The following OCA2 variants were observed in gnomAD, a reference collection of about 807,000 sequenced individuals.
The protein encoded by OCA2 is P protein.
In OCA2, 77 loss-of-function variants were observed where a neutral mutation model predicts 100.2. That is an observed-to-expected ratio of 0.77 (90% CI 0.64 to 0.93). OCA2 has a LOEUF of 0.93. Among genes scored for constraint, OCA2 ranks in the 40% least tolerant of loss-of-function variants. The pLI, the probability that OCA2 is intolerant of heterozygous loss-of-function variation, is 0.00. For missense variants in OCA2, 1,062 were observed against 1,089.1 expected (o/e 0.98, Z 0.35); for synonymous variants, 432 against 439.2 (o/e 0.98, Z 0.21).
At chr15:27,969,668 C>T (rs2040702575) in intron 14 of OCA2, among the ~76,000 whole-genome samples, 1 of 151,980 alleles carries the variant, frequency 6.6e-6, no homozygotes. Context: ...GATTAAATGG[C>T]CAAATATTAG....
intron 21 of OCA2, among the ~76,000 whole-genome samples, chr15:27,858,352 GA>G (rs2036013982): frequency 7.2e-6 from 1 of 139,102 alleles, no homozygotes; most frequent in Admixed American, 7.5e-5. Context: ...CCAGCCTGGG[GA>G]ATAGAGTGAA....
chr15:27,813,700 T>C (rs2034168977), intron 23 of OCA2, among the ~76,000 whole-genome samples: 1 of 152,162 alleles, frequency 6.6e-6, no homozygotes, highest in Admixed American at 6.5e-5. Context: ...AAATTCATGA[T>C]TTAGATGAAA....
intron 18 of OCA2, among the ~76,000 whole-genome samples, chr15:27,935,304 C>T (rs2039413339): frequency 6.6e-6 from 1 of 152,216 alleles, no homozygotes; most frequent in Admixed American, 6.5e-5. Flanking sequence ...GCATTAATCT[C>T]TCACCAAGAG....
At position 27,871,214 on chromosome 15, in the gene OCA2, C is replaced by T; in HGVS notation, c.2184G>A (p.Val728=). The part of the protein sequence containing the change: ...EQRLIAAIVL[V]VWVSALASSL... Reference sequence around the variant, plus strand: ...ACGACGCCAGGGCTGAGACCCACACCACCAGGACAATGGCGGCTATGAGGC... The same window carrying T: ...ACGACGCCAGGGCTGAGACCCACACTACCAGGACAATGGCGGCTATGAGGC... Residue 728 remains valine (V), a synonymous_variant, in exon 21 of 24, where the codon GTG becomes GTA. Transcript: ENST00000354638. 1 of 1,614,202 alleles carries T rather than the reference C, an allele frequency of 6.2e-7. No homozygotes were observed. Among genetic ancestry groups the T allele is most frequent in the Non-Finnish European group, 8.5e-7 (1 of 1,180,026 alleles).
intron 9 of OCA2, among the ~76,000 whole-genome samples, chr15:28,003,867 G>T (rs1318661022): frequency 1.3e-5 from 2 of 152,212 alleles, no homozygotes; most frequent in African/African-American, 4.8e-5. Context: ...CGCGCCGCCT[G>T]CTCCCTCCAC....
intron 2 of OCA2, among the ~76,000 whole-genome samples, chr15:28,046,786 A>G (rs994783085): frequency 6.6e-6 from 1 of 152,214 alleles, no homozygotes; most frequent in Non-Finnish European, 1.5e-5. Flanking sequence ...ATTGTGATGG[A>G]AATTTGGGGT....
intron 19 of OCA2, among the ~76,000 whole-genome samples, chr15:27,900,571 A>G (rs569076319): frequency 1.3e-5 from 2 of 152,352 alleles, no homozygotes; most frequent in African/African-American, 2.4e-5. Context: ...AACCAAGAAG[A>G]CAAGAACCAA....
chr15:27,896,015 G>C (rs774586257), intron 19 of OCA2: 3 of 1,020,146 alleles, frequency 2.9e-6, no homozygotes, highest in South Asian at 2.5e-5. Context: ...TGGCCTGCAG[G>C]CTTCTCAATA....
chr15:27,811,737 G>C (rs75204270), intron 23 of OCA2, among the ~76,000 whole-genome samples: 1 of 152,128 alleles, frequency 6.6e-6, no homozygotes, highest in Non-Finnish European at 1.5e-5. Flanking sequence ...CCTGTACCTC[G>C]GTCTGGCTTT....
At chr15:27,986,966 G>A (rs1445724340) in intron 11 of OCA2, among the ~76,000 whole-genome samples, 1 of 152,214 alleles carries the variant, frequency 6.6e-6, no homozygotes, top group Non-Finnish European at 1.5e-5. Context: ...CTAGAAAATG[G>A]GATCAGAGTG....
chr15:27,820,745 G>A (rs2034472793), intron 23 of OCA2, among the ~76,000 whole-genome samples: 1 of 152,206 alleles, frequency 6.6e-6, no homozygotes, highest in African/African-American at 2.4e-5. Flanking sequence ...ACGGCCTCAA[G>A]TAGGGCCTAT....
At chr15:27,931,577 C>G (rs1472768320) in intron 18 of OCA2, among the ~76,000 whole-genome samples, 1 of 152,138 alleles carries the variant, frequency 6.6e-6, no homozygotes, top group Non-Finnish European at 1.5e-5. Context: ...CTCAGGTGAT[C>G]CACCAGCCTC....
intron 14 of OCA2, among the ~76,000 whole-genome samples, chr15:27,967,066 C>T (rs2040594662): frequency 6.6e-6 from 1 of 152,132 alleles, no homozygotes. Flanking sequence ...AGAGGCGGAA[C>T]TTGCAGTGAG....
At chr15:27,929,851 G>A (rs976497875) in intron 18 of OCA2, among the ~76,000 whole-genome samples, 1 of 132,302 alleles carries the variant, frequency 7.6e-6, no homozygotes, top group Non-Finnish European at 1.6e-5. Context: ...CTTCAACAAA[G>A]AAGACATAAG....
At chr15:27,932,474 A>G (rs1455339983) in intron 18 of OCA2, among the ~76,000 whole-genome samples, 9 of 142,584 alleles carry the variant, frequency 6.3e-5, no homozygotes, top group Middle Eastern at 3.5e-3. Context: ...GGGGCGGGGC[A>G]GGGCAGAGCT....
chr15:27,974,179 C>T (rs1595746659), intron 14 of OCA2, among the ~76,000 whole-genome samples: 1 of 152,242 alleles, frequency 6.6e-6, no homozygotes, highest in East Asian at 1.9e-4. Context: ...ATTTCTTTCT[C>T]TTGTCTGATT....
In OCA2 at chr15:27,957,706, G is replaced by A. The variant is rs748991759; in HGVS notation, c.1666C>T (p.Leu556=). Residue 556 remains leucine, a synonymous_variant, in exon 16 of 24, where the codon CTG becomes TTG. Coordinates refer to ENST00000354638, the MANE Select transcript of OCA2 (RefSeq NM_000275.3). This position sits in a 1 kb window ranked among gnomAD's most constrained non-coding sequence, Gnocchi z 4.3. ...ELKHEIHVWR[L]TAQRISPASR... ...GCCGGGCTGATGCGCTGAGCAGTCA[G>A]GCGCCAGACGTGAATCTCGTGCTTC... 1.9e-6 allele frequency: 3 copies of A among 1,613,178 alleles called. No homozygotes were observed. In the South Asian group the frequency reaches 3.3e-5, roughly 18 times the overall value.
chr15:28,015,379 G>A (rs1307116109), intron 8 of OCA2, among the ~76,000 whole-genome samples: 1 of 152,206 alleles, frequency 6.6e-6, no homozygotes, highest in Non-Finnish European at 1.5e-5. Flanking sequence ...TTCAAGTTCA[G>A]GCCAATATGT....
At chr15:28,058,045 C>G (rs2141633548) in intron 2 of OCA2, among the ~76,000 whole-genome samples, 1 of 152,286 alleles carries the variant, frequency 6.6e-6, no homozygotes. Flanking sequence ...GTCACCCTGG[C>G]CCACCAAGTG....
Sources: gnomAD v4.1 joint callset for allele counts (sites outside exome capture counted in the v4.1 genomes callset) on GRCh38, gnomAD v4.1.1 for gene constraint, Gnocchi (gnomAD v3.1) non-coding constraint, MANE v1.5 for transcripts, NCBI Gene and HGNC (gene_info 2026-07-23, HGNC 2026-07-21) for gene names.